ARHGAP6: variants seen among roughly 807,000 people sequenced by gnomAD.
The protein encoded by ARHGAP6 is rho GTPase-activating protein 6.
ARHGAP6 carries 16 observed loss-of-function variants against 55.7 expected under a neutral mutation model. The observed-to-expected ratio is 0.29, with a 90% CI of 0.19 to 0.44. ARHGAP6 has a LOEUF of 0.44. Among genes scored for constraint, ARHGAP6 ranks in the 20% least tolerant of loss-of-function variants. The probability of loss-of-function intolerance (pLI) is 1.00; values close to 1 mark genes in which losing one functional copy is unlikely to be tolerated. For missense variants in ARHGAP6, 698 were observed against 808.9 expected (o/e 0.86, Z 1.66); for synonymous variants, 382 against 360.9 (o/e 1.06, Z -0.66).
intron 1 of ARHGAP6, among the ~76,000 whole-genome samples, chrX:11,332,626 C>G (rs2048576564): frequency 8.9e-6 from 1 of 111,892 alleles, no homozygotes; most frequent in Admixed American, 9.5e-5. Flanking sequence ...ATTTTAGATT[C>G]ACATTCATTT....
chrX:11,458,328 G>C (rs2050212955), intron 1 of ARHGAP6, among the ~76,000 whole-genome samples: 1 of 112,306 alleles, frequency 8.9e-6, no homozygotes, highest in South Asian at 3.7e-4. Context: ...TGCCACTCCA[G>C]TACTTTCAAA....
At chrX:11,464,745 T>C (rs1182144900) in intron 1 of ARHGAP6, among the ~76,000 whole-genome samples, 1 of 112,559 alleles carries the variant, frequency 8.9e-6, no homozygotes, top group Non-Finnish European at 1.9e-5. Context: ...ATGAGCTTCA[T>C]GTAAGGAGCA....
intron 2 of ARHGAP6, among the ~76,000 whole-genome samples, chrX:11,200,853 T>C (rs1038044423): frequency 8.9e-6 from 1 of 112,396 alleles, no homozygotes; most frequent in African/African-American, 3.2e-5. Flanking sequence ...GTATTTTCCA[T>C]ATTACAATTA....
chrX:11,387,470 C>A (rs952225951), intron 1 of ARHGAP6, among the ~76,000 whole-genome samples: 1 of 112,005 alleles, frequency 8.9e-6, no homozygotes, highest in African/African-American at 3.2e-5. Flanking sequence ...TAGCCAAAGT[C>A]ATTTCCTTAT....
intron 1 of ARHGAP6, among the ~76,000 whole-genome samples, chrX:11,658,471 C>A (rs765104469): frequency 3.6e-5 from 4 of 110,762 alleles, no homozygotes; most frequent in South Asian, 3.8e-4. Flanking sequence ...TTGTCAATTT[C>A]TTTTTGAAGC....
chrX:11,606,413 G>A (rs971227489), intron 1 of ARHGAP6, among the ~76,000 whole-genome samples: 1 of 111,618 alleles, frequency 9.0e-6, no homozygotes, highest in Admixed American at 9.5e-5. Context: ...TGCTCTTGTT[G>A]CAGTTTCCAC....
intron 1 of ARHGAP6, among the ~76,000 whole-genome samples, chrX:11,346,958 C>CA (rs80108682): frequency 5.4e-5 from 6 of 110,385 alleles, no homozygotes; most frequent in Non-Finnish European, 3.8e-5. Context: ...AACAAACAAA[C>CA]TAGTGTGCTC....
At chrX:11,465,543 T>G (rs1446283121) in intron 1 of ARHGAP6, among the ~76,000 whole-genome samples, 1 of 112,382 alleles carries the variant, frequency 8.9e-6, no homozygotes, top group Non-Finnish European at 1.9e-5. Flanking sequence ...AAATAATTAT[T>G]AATAAGATAT....
chrX:11,468,452 T>C (rs1388677459), intron 1 of ARHGAP6, among the ~76,000 whole-genome samples: 1 of 112,126 alleles, frequency 8.9e-6, no homozygotes, highest in Non-Finnish European at 1.9e-5. Context: ...CTTCCACCTC[T>C]GTTCCTTAAA....
chrX:11,164,959 G>C (rs1455186961), intron 9 of ARHGAP6, among the ~76,000 whole-genome samples: 1 of 111,837 alleles, frequency 8.9e-6, no homozygotes, highest in Non-Finnish European at 1.9e-5. Context: ...AGAACTTTCT[G>C]GTTAGGATAA....
rs145264010 is a variant in ARHGAP6 at position 11,155,973 on chromosome X, C to T, written c.1907+556G>A. Among the ~76,000 whole-genome samples the T allele has an allele frequency of 8.9e-3, 1,004 of 112,485 alleles. 13 individuals are homozygous for T. The highest frequency in any genetic ancestry group is 0.03 in the African/African-American group (938 of 30,955). ...AGCATGGCTTGCATTTTACTAATTG[C>T]AAACATGAGTGCATGTAGAAACCCA... On this transcript the variant is annotated intron_variant, in intron 10 of 12. Transcript: ENST00000337414.
Position 11,574,382 on chromosome X carries a change from C to G in ARHGAP6, c.588+89859G>C, listed in dbSNP as rs759380843. ...CATCAAAAAGCTTATCCACCATGAT[C>G]AAGTGGGCTTCATCCCTGGGATGCA... is the stretch of plus-strand genomic sequence containing the variant. On this transcript the variant is annotated intron_variant, in intron 1 of 12. Transcript: ENST00000337414. Among the ~76,000 whole-genome samples, 51 of 108,905 alleles carry G rather than the reference C, an allele frequency of 4.7e-4. 3 individuals carry two copies. The highest frequency in any genetic ancestry group is 3.6e-3 in the Admixed American group (37 of 10,215). 94.6% of individuals were successfully genotyped at this position (108,905 alleles called of 115,157 possible).
At chrX:11,252,477 A>C (rs1487645200) in intron 2 of ARHGAP6, among the ~76,000 whole-genome samples, 1 of 112,495 alleles carries the variant, frequency 8.9e-6, no homozygotes, top group Non-Finnish European at 1.9e-5. Context: ...AACCAATACC[A>C]GGTAAGGCAG....
At chrX:11,645,266 C>T (rs938397017) in intron 1 of ARHGAP6, among the ~76,000 whole-genome samples, 2 of 110,819 alleles carry the variant, frequency 1.8e-5, no homozygotes, top group African/African-American at 6.6e-5. Context: ...AGTGGCTACA[C>T]AAATTTATGC....
intron 1 of ARHGAP6, among the ~76,000 whole-genome samples, chrX:11,362,915 C>A (rs766931181): frequency 3.3e-4 from 37 of 111,573 alleles, no homozygotes; most frequent in African/African-American, 1.2e-3. Context: ...ATACTGTCCA[C>A]AAACACAGAA....
rs1014292890 is a variant in ARHGAP6, at chrX:11,427,735, C to A, written c.589-173028G>T. Reference sequence around the variant, plus strand: ...CGTGCGTGCCGAGTGCTGTGCAAAGCGCCCCTGGCACAGCGTCCCGCTGCC... The same window carrying A: ...CGTGCGTGCCGAGTGCTGTGCAAAGAGCCCCTGGCACAGCGTCCCGCTGCC... On this transcript the variant is annotated intron_variant, in intron 1 of 12. Coordinates refer to ENST00000337414, the MANE Select transcript of ARHGAP6 (RefSeq NM_013427.3). The A allele has an allele frequency of 6.0e-5, 46 of 768,573 alleles. No homozygotes were observed. The African/African-American group carries it at 9.2e-4, about 15-fold the overall frequency. The allele number at this position is 768,573 out of a possible 1,213,427, so 63.3% of individuals were successfully genotyped here. A position where few individuals can be genotyped will look rare whatever the true frequency, so the allele number is the denominator to read the frequency against.
chrX:11,372,375 A>G (rs975545115), intron 1 of ARHGAP6, among the ~76,000 whole-genome samples: 3 of 112,393 alleles, frequency 2.7e-5, no homozygotes, highest in Admixed American at 1.9e-4. Flanking sequence ...GATTAAATAT[A>G]TACCAAGTGA....
intron 1 of ARHGAP6, among the ~76,000 whole-genome samples, chrX:11,481,417 T>A (rs990859683): frequency 3.5e-4 from 40 of 112,864 alleles, no homozygotes; most frequent in African/African-American, 1.1e-3. Context: ...CTATGGAAAG[T>A]AGCAGCAATG....
At chrX:11,281,754 C>T (rs2078471658) in intron 1 of ARHGAP6, among the ~76,000 whole-genome samples, 1 of 111,646 alleles carries the variant, frequency 9.0e-6, no homozygotes, top group Admixed American at 9.5e-5. Flanking sequence ...ATTTGTGGGA[C>T]TTTGACACTG....
Sources: allele counts gnomAD v4.1 joint callset (sites outside exome capture counted in the v4.1 genomes callset), GRCh38; gene constraint gnomAD v4.1.1; transcripts MANE v1.5; gene names NCBI Gene and HGNC (gene_info 2026-07-23, HGNC 2026-07-21).